Variants in GLCCI1 observed in about 807,000 individuals in gnomAD.
The protein encoded by GLCCI1 is glucocorticoid-induced transcript 1 protein.
GLCCI1 carries 24 observed loss-of-function variants against 52.2 expected under a neutral mutation model. That is an observed-to-expected ratio of 0.46 (90% CI 0.33 to 0.65). GLCCI1 has a LOEUF of 0.65. Ranked by LOEUF, GLCCI1 falls within the 30% of genes least tolerant of loss-of-function variation. The pLI is 0.02. For synonymous variants in GLCCI1, 310 were observed against 276.5 expected (o/e 1.12, Z -1.20); for missense variants, 704 against 701.5 (o/e 1.00, Z -0.04).
rs1177518452 is a variant in GLCCI1 at position 8,012,613 on chromosome 7, T to G, written c.609+8554T>G. Among the ~76,000 whole-genome samples, 3 of 151,240 alleles carry G rather than the reference T, an allele frequency of 2.0e-5. No homozygotes were observed. The East Asian group carries it at 5.8e-4, about 29-fold the overall frequency. Reference sequence around the variant, plus strand: ...GCGCCTGCCACCATGCCCGGCTAATTTTTTGTATTTTTTAGTAGAGACGGG... The same window carrying G: ...GCGCCTGCCACCATGCCCGGCTAATGTTTTGTATTTTTTAGTAGAGACGGG... On this transcript the variant is annotated intron_variant, in intron 2 of 7. Transcript: ENST00000223145.
chr7:7,998,086 C>G (rs1780973155), intron 1 of GLCCI1, among the ~76,000 whole-genome samples: 1 of 150,964 alleles, frequency 6.6e-6, no homozygotes, highest in African/African-American at 2.4e-5. Context: ...TTAGAGCAGT[C>G]TGATTTAATT....
intron 6 of GLCCI1, among the ~76,000 whole-genome samples, chr7:8,076,648 C>G (rs1782882246): frequency 6.6e-6 from 1 of 152,082 alleles, no homozygotes; most frequent in East Asian, 1.9e-4. Flanking sequence ...CAGTTTTAGC[C>G]ATTATTGCTC....
intron 2 of GLCCI1, among the ~76,000 whole-genome samples, chr7:8,018,100 A>G (rs1781413944): frequency 6.6e-6 from 1 of 152,170 alleles, no homozygotes; most frequent in Admixed American, 6.5e-5. Flanking sequence ...TCAGCTAATT[A>G]CATCTCATTT....
In GLCCI1 at chr7:8,086,884, C is replaced by G. The variant is rs1783117772; in HGVS notation, c.*346C>G. 2 of 182,570 alleles carry G rather than the reference C, an allele frequency of 1.1e-5. No homozygotes were observed. Among genetic ancestry groups the G allele is most frequent in the Admixed American group, 5.6e-5 (1 of 17,740 alleles). The allele number at this position is 182,570 out of a possible 1,614,324, so 11.3% of individuals were successfully genotyped here. On this transcript the variant is annotated 3_prime_UTR_variant, in exon 8 of 8. Coordinates refer to ENST00000223145, the MANE Select transcript of GLCCI1 (RefSeq NM_138426.4). The surrounding 1 kb of genome is among the most constrained non-coding windows in gnomAD (Gnocchi z 4.4). ...AGTTGCCTGTCTAAATAGAAAATGT[C>G]TTGCTGTGTTTTGTCCTATGGAAAA...
At chr7:8,005,096 G>A (rs1781121337) in intron 2 of GLCCI1, among the ~76,000 whole-genome samples, 1 of 152,104 alleles carries the variant, frequency 6.6e-6, no homozygotes, top group African/African-American at 2.4e-5. Flanking sequence ...AGTTTAATAT[G>A]GCAGGCAGTG....
Position 8,060,125 on chromosome 7 carries a change from A to G in GLCCI1, c.843A>G (p.Pro281=). 2 of 1,613,712 alleles carry G rather than the reference A, an allele frequency of 1.2e-6. No individual in the cohort carries two copies. The highest frequency in any genetic ancestry group is 1.7e-6 in the Non-Finnish European group (2 of 1,179,798). ...CTGGATCAAGGTCAGTTCCTATGCC[A>G]CTGTCAAATATATCAGTGCCAAAAT... ...QATGSRSVPM[P]LSNISVPKSS... The change falls in exon 5 of 8, where the codon CCA becomes CCG. Residue 281 remains proline, a synonymous_variant. Transcript: ENST00000223145.
intron 3 of GLCCI1, among the ~76,000 whole-genome samples, chr7:8,037,759 T>A (rs1781898923): frequency 6.6e-6 from 1 of 152,006 alleles, no homozygotes; most frequent in South Asian, 2.1e-4. Context: ...TTACATCAGA[T>A]AAAACAGATT....
chr7:8,013,534 GTTAA>G (rs1253868230), intron 2 of GLCCI1, among the ~76,000 whole-genome samples: 1 of 151,896 alleles, frequency 6.6e-6, no homozygotes, highest in Non-Finnish European at 1.5e-5. Context: ...ATTTTTCTCA[GTTAA>G]TTTTATAATT....
At chr7:8,074,037 A>C (rs142141655) in intron 6 of GLCCI1, among the ~76,000 whole-genome samples, 38 of 152,344 alleles carry the variant, frequency 2.5e-4, no homozygotes, top group African/African-American at 8.9e-4. Context: ...TGGGTGTGTT[A>C]GAATTGGGAG....
intron 3 of GLCCI1, among the ~76,000 whole-genome samples, chr7:8,043,769 A>T (rs527312178): frequency 6.6e-6 from 1 of 152,200 alleles, no homozygotes; most frequent in East Asian, 1.9e-4. Context: ...GGTATAAAAG[A>T]CTAATGTGAT....
chr7:8,062,418 C>T (rs35953256), intron 5 of GLCCI1, among the ~76,000 whole-genome samples: 111,328 of 152,112 alleles, frequency 0.73, 41,064 homozygotes, highest in African/African-American at 0.83. Flanking sequence ...ATAGTTATTG[C>T]TGTGAAGTTG....
At chr7:7,970,843 G>A (rs1780338179) in intron 1 of GLCCI1, among the ~76,000 whole-genome samples, 1 of 152,246 alleles carries the variant, frequency 6.6e-6, no homozygotes, top group South Asian at 2.1e-4. Context: ...CTGCTGCATT[G>A]TGGAGGGAAC....
intron 3 of GLCCI1, among the ~76,000 whole-genome samples, chr7:8,040,078 C>G (rs1177765884): frequency 6.6e-6 from 1 of 151,330 alleles, no homozygotes; most frequent in East Asian, 1.9e-4. Flanking sequence ...CCCCCTAAAT[C>G]TATATAAAAA....
intron 3 of GLCCI1, among the ~76,000 whole-genome samples, chr7:8,029,676 C>G (rs2127951158): frequency 8.0e-6 from 1 of 125,046 alleles, no homozygotes; most frequent in South Asian, 2.4e-4. Flanking sequence ...CAGACTCCAT[C>G]AAAAAGCTAT....
At chr7:8,044,015 G>A (rs1372173842) in intron 3 of GLCCI1, among the ~76,000 whole-genome samples, 2 of 150,186 alleles carry the variant, frequency 1.3e-5, no homozygotes, top group African/African-American at 2.5e-5. Context: ...CGCGATCTCC[G>A]CTCACTGCAA....
intron 1 of GLCCI1, among the ~76,000 whole-genome samples, chr7:7,995,571 A>G (rs1780922852): frequency 1.3e-5 from 2 of 152,234 alleles, no homozygotes; most frequent in Non-Finnish European, 2.9e-5. Context: ...CTATGCAGCC[A>G]TAAAAAAGGA....
chr7:8,040,587 A>G (rs186861028), intron 3 of GLCCI1, among the ~76,000 whole-genome samples: 54 of 151,978 alleles, frequency 3.6e-4, no homozygotes, highest in Non-Finnish European at 5.6e-4. Context: ...AGACGGATTA[A>G]TTGCAAGCAT....
At chr7:8,012,432 C>CTTTTTTTTTTTTTTTTTT (rs71014746) in intron 2 of GLCCI1, among the ~76,000 whole-genome samples, 8 of 70,400 alleles carry the variant, frequency 1.1e-4, no homozygotes, top group Admixed American at 4.3e-4. Flanking sequence ...CCTTTTTATT[C>CTTTTTTTTTTTTTTTTTT]TTTTTTTTTT....
intron 2 of GLCCI1, among the ~76,000 whole-genome samples, chr7:8,019,855 G>A (rs1781450309): frequency 6.6e-6 from 1 of 152,200 alleles, no homozygotes; most frequent in South Asian, 2.1e-4. Context: ...ACCATGGAAT[G>A]GAGTTTGCAG....
Sources: allele counts gnomAD v4.1 joint callset (sites outside exome capture counted in the v4.1 genomes callset), GRCh38; gene constraint gnomAD v4.1.1; non-coding constraint Gnocchi (gnomAD v3.1); transcripts MANE v1.5; gene names NCBI Gene and HGNC (gene_info 2026-07-23, HGNC 2026-07-21).